PCDHA7: variants seen among roughly 807,000 people sequenced by gnomAD.
PCDHA7 encodes the protein protocadherin alpha-7.
PCDHA7 carries 37 observed loss-of-function variants against 57.2 expected under a neutral mutation model. That is an observed-to-expected ratio of 0.65 (90% CI 0.50 to 0.85). PCDHA7 has a LOEUF of 0.85. Ranked by LOEUF, PCDHA7 falls within the 40% of genes least tolerant of loss-of-function variation. The pLI, the probability that PCDHA7 is intolerant of heterozygous loss-of-function variation, is 0.00. For missense variants in PCDHA7, 1,188 were observed against 1,241.8 expected, an observed-to-expected ratio of 0.96 and a Z score of 0.65; for synonymous variants, 553 against 558.8, an observed-to-expected ratio of 0.99 and a Z score of 0.15.
chr5:140,868,877 C>T (rs1554162279), intron 1 of PCDHA7: 4 of 684,224 alleles, frequency 5.8e-6, no homozygotes, highest in South Asian at 2.2e-5. Flanking sequence ...GCACAGTACT[C>T]ACAGTTTTAG....
chr5:140,938,560 C>T (rs2092118397), intron 1 of PCDHA7, among the ~76,000 whole-genome samples: 1 of 143,272 alleles, frequency 7.0e-6, no homozygotes, highest in Non-Finnish European at 1.5e-5. Flanking sequence ...TTATTAATAG[C>T]ATGCATTATA....
intron 1 of PCDHA7, chr5:140,883,610 G>C: frequency 6.2e-7 from 1 of 1,614,046 alleles, no homozygotes; most frequent in Non-Finnish European, 8.5e-7. Flanking sequence ...GGTGGCCGAC[G>C]TGAACGACAA....
chr5:140,999,144 G>A (rs2097848915), intron 3 of PCDHA7, among the ~76,000 whole-genome samples: 1 of 152,200 alleles, frequency 6.6e-6, no homozygotes, highest in Non-Finnish European at 1.5e-5. Context: ...ACAGCCGGAA[G>A]TCTTCAGTCC....
chr5:140,944,999 G>A (rs2093721816), intron 1 of PCDHA7, among the ~76,000 whole-genome samples: 1 of 151,896 alleles, frequency 6.6e-6, no homozygotes, highest in Non-Finnish European at 1.5e-5. Context: ...TAACGGTTGT[G>A]GGTCATGAAT....
intron 1 of PCDHA7, among the ~76,000 whole-genome samples, chr5:140,944,030 A>G (rs1272534224): frequency 1.3e-5 from 2 of 152,214 alleles, no homozygotes; most frequent in East Asian, 1.9e-4. Context: ...TCTTCAAAAT[A>G]TGGAAAACCA....
intron 3 of PCDHA7, among the ~76,000 whole-genome samples, chr5:141,003,468 C>T (rs2098126270): frequency 6.6e-6 from 1 of 152,066 alleles, no homozygotes; most frequent in Non-Finnish European, 1.5e-5. Context: ...TGCACCACCA[C>T]AGTCTCGCTA....
chr5:140,885,525 A>G (rs1206570848), intron 1 of PCDHA7, among the ~76,000 whole-genome samples: 4 of 152,128 alleles, frequency 2.6e-5, no homozygotes, highest in Admixed American at 6.6e-5. Flanking sequence ...ATCATTTCAT[A>G]TATTTCCCAA....
At position 140,870,930 on chromosome 5, in the gene PCDHA7, A is replaced by G. The variant is rs373236202; in HGVS notation, c.2355+34192A>G. ...GCTACAACGCGTGGCTTTCATATGA[A>G]TTGCAGCCGGCGGCGGGCGGCTCGC... On this transcript the variant is annotated intron_variant, in intron 1 of 3. Coordinates refer to ENST00000525929, the MANE Select transcript of PCDHA7 (RefSeq NM_018910.3). 1.9e-6 allele frequency: 3 copies of G among 1,613,850 alleles called. No homozygotes were observed. The East Asian group carries it at 6.7e-5, about 36-fold the overall frequency.
At chr5:140,870,614 C>G in intron 1 of PCDHA7, 2 of 1,613,212 alleles carry the variant, frequency 1.2e-6, no homozygotes, top group South Asian at 2.2e-5. Flanking sequence ...CGCGCGCTGT[C>G]GAGCTACGTG....
chr5:140,891,885 C>T (rs546305739), intron 1 of PCDHA7, among the ~76,000 whole-genome samples: 22 of 152,288 alleles, frequency 1.4e-4, no homozygotes, highest in African/African-American at 2.2e-4. Context: ...TGTCATGTGA[C>T]GATGCAGCAA....
chr5:140,927,191 T>G, intron 1 of PCDHA7: 1 of 1,614,144 alleles, frequency 6.2e-7, no homozygotes. Flanking sequence ...TACGACCTGG[T>G]GCTCGAGGAC....
At position 140,835,638 on chromosome 5, in the gene PCDHA7, T is replaced by C; in HGVS notation, c.1255T>C (p.Ser419Pro). 1 of 1,613,926 alleles carries C rather than the reference T, an allele frequency of 6.2e-7. No individual in the cohort carries two copies. The highest frequency in any genetic ancestry group is 8.5e-7 in the Non-Finnish European group (1 of 1,179,878). ...LDSALDRESV[S>P]AYELVVTARD... Reference sequence around the variant, plus strand: ...CAGCGCTCTGGACCGCGAGAGTGTGTCCGCCTATGAGCTGGTGGTTACCGC... The same window carrying C: ...CAGCGCTCTGGACCGCGAGAGTGTGCCCGCCTATGAGCTGGTGGTTACCGC... Residue 419 changes from serine (S) to proline (P), a missense_variant, in exon 1 of 4, where the codon TCC becomes CCC. By Grantham distance (74) the Ser-to-Pro change is moderately conservative. Transcript: ENST00000525929.
intron 1 of PCDHA7, among the ~76,000 whole-genome samples, chr5:140,957,326 C>G (rs2095350528): frequency 6.6e-6 from 1 of 152,118 alleles, no homozygotes; most frequent in African/African-American, 2.4e-5. Context: ...GAGCACAGTA[C>G]AGTAAGATAT....
At chr5:140,871,429 C>T in intron 1 of PCDHA7, 1 of 1,613,216 alleles carries the variant, frequency 6.2e-7, no homozygotes, top group Admixed American at 1.7e-5. Context: ...CCCCAGTCTT[C>T]CTCTAGGTCT....
intron 1 of PCDHA7, chr5:140,855,976 G>C: frequency 6.9e-7 from 1 of 1,448,118 alleles, no homozygotes; most frequent in Non-Finnish European, 9.3e-7. Context: ...TAAGAAATAG[G>C]ACAGAAAATG....
chr5:140,890,828 A>G (rs1554184556), intron 1 of PCDHA7, among the ~76,000 whole-genome samples: 1 of 152,180 alleles, frequency 6.6e-6, no homozygotes, highest in Non-Finnish European at 1.5e-5. Flanking sequence ...ATGTACTTAC[A>G]TATTTACCAG....
chr5:140,962,495 C>T (rs2153732507), intron 1 of PCDHA7, among the ~76,000 whole-genome samples: 1 of 152,240 alleles, frequency 6.6e-6, no homozygotes, highest in Admixed American at 6.5e-5. Context: ...AATTTTCAGA[C>T]ACCTCAGCCA....
At chr5:140,882,561 G>A in intron 1 of PCDHA7, 2 of 1,614,222 alleles carry the variant, frequency 1.2e-6, no homozygotes, top group Non-Finnish European at 1.7e-6. Flanking sequence ...CTGTGTGGGC[G>A]GAGCGCGGAG....
chr5:140,956,809 T>C (rs868918745), intron 1 of PCDHA7, among the ~76,000 whole-genome samples: 2 of 152,198 alleles, frequency 1.3e-5, no homozygotes, highest in Non-Finnish European at 1.5e-5. Flanking sequence ...TATTTATTAT[T>C]GCTTCAATTT....
Sources: allele counts gnomAD v4.1 joint callset (sites outside exome capture counted in the v4.1 genomes callset), GRCh38; gene constraint gnomAD v4.1.1; transcripts MANE v1.5; gene names NCBI Gene and HGNC (gene_info 2026-07-23, HGNC 2026-07-21).